The following PLXNA4 variants were observed in gnomAD, a reference collection of about 807,000 sequenced individuals.
The protein encoded by PLXNA4 is plexin A4, also known as plexin-A4.
Under a neutral mutation model 191.8 loss-of-function variants are expected in PLXNA4, and 44 were observed. The observed-to-expected ratio is 0.23, with a 90% CI of 0.18 to 0.29. The LOEUF (loss-of-function observed/expected upper bound fraction) is 0.29, where lower values mean the gene tolerates loss of function less well. PLXNA4 is among the 10% of genes least tolerant of loss of function. PLXNA4 has a pLI of 1.00. For synonymous variants in PLXNA4, 1,082 were observed against 1,009.5 expected, an observed-to-expected ratio of 1.07 and a Z score of -1.36; for missense variants, 1,800 against 2,488.8, an observed-to-expected ratio of 0.72 and a Z score of 5.89.
chr7:132,190,944 C>G (rs1797067630), intron 14 of PLXNA4, among the ~76,000 whole-genome samples: 1 of 152,200 alleles, frequency 6.6e-6, no homozygotes, highest in Admixed American at 6.5e-5. Context: ...GGTGCAGGGC[C>G]TGTGGATATC....
chr7:132,128,777 A>C lies in PLXNA4; in HGVS notation c.*1702T>G, dbSNP rs1794848722. 1 of 152,192 alleles carries C rather than the reference A, an allele frequency of 6.6e-6. No individual in the cohort carries two copies. The highest frequency in any genetic ancestry group is 1.5e-5 in the Non-Finnish European group (1 of 68,024). 9.4% of individuals were successfully genotyped at this position (152,192 alleles called of 1,614,324 possible). On this transcript the variant is annotated 3_prime_UTR_variant, in exon 32 of 32. Coordinates refer to ENST00000321063, the MANE Select transcript of PLXNA4 (RefSeq NM_020911.2). ...AGTGGGTGACAAGGAATGATGTCTG[A>C]TGTTTGGGGAGTGAAGGCAAGACTG... is the stretch of plus-strand genomic sequence containing the variant.
At chr7:132,222,292 C>T (rs751645648) in intron 9 of PLXNA4, among the ~76,000 whole-genome samples, 38 of 152,218 alleles carry the variant, frequency 2.5e-4, no homozygotes, top group Admixed American at 1.4e-3. Context: ...GCTATGGGAG[C>T]CCCCATGCAG....
At chr7:132,597,857 C>CTATATA (rs372984088) in intron 2 of PLXNA4, among the ~76,000 whole-genome samples, 8,721 of 57,882 alleles carry the variant, frequency 0.15, 286 homozygotes, top group Non-Finnish European at 0.26. Flanking sequence ...CTCTCTCTCT[C>CTATATA]TCTATATATA....
intron 3 of PLXNA4, among the ~76,000 whole-genome samples, chr7:132,303,841 G>T (rs1156353702): frequency 6.6e-6 from 1 of 152,110 alleles, no homozygotes; most frequent in South Asian, 2.1e-4. Flanking sequence ...AATGCCAGGT[G>T]GCAAATGCTA....
At chr7:132,536,445 G>C (rs1057238068) in intron 1 of PLXNA4, among the ~76,000 whole-genome samples, 1 of 152,168 alleles carries the variant, frequency 6.6e-6, no homozygotes, top group African/African-American at 2.4e-5. Flanking sequence ...GACACATAGA[G>C]GTCTCAACAA....
chr7:132,390,353 T>C (rs1285091567), intron 3 of PLXNA4, among the ~76,000 whole-genome samples: 1 of 151,562 alleles, frequency 6.6e-6, no homozygotes, highest in Non-Finnish European at 1.5e-5. Flanking sequence ...CACTCCTAAG[T>C]GGGAGTTGAA....
intron 2 of PLXNA4, among the ~76,000 whole-genome samples, chr7:132,593,491 A>G (rs1802643187): frequency 6.6e-6 from 1 of 152,200 alleles, no homozygotes; most frequent in African/African-American, 2.4e-5. Context: ...GGAACTTACT[A>G]AAAGGACATC....
At chr7:132,646,413 C>T (rs925395922) in intron 1 of PLXNA4, among the ~76,000 whole-genome samples, 1 of 152,148 alleles carries the variant, frequency 6.6e-6, no homozygotes, top group South Asian at 2.1e-4. Flanking sequence ...TATGTTGAAT[C>T]CCTAATCTCC....
In PLXNA4 at chr7:132,616,844, C is replaced by T. The variant is rs530593270; in HGVS notation, c.-87+29084G>A. ...TGGTAGACTGTGCGGTTCTCTGACC[C>T]TTCCAGTTGCCCTTCCTTTCCAGAC... On this transcript the variant is annotated intron_variant, in intron 2 of 4. Transcript: ENST00000378539. Among the ~76,000 whole-genome samples, 3 of 152,274 alleles carry T rather than the reference C, an allele frequency of 2.0e-5. No homozygotes were observed. The East Asian group carries it at 5.8e-4, about 29-fold the overall frequency.
At chr7:132,490,431 T>TTC (rs1165922044) in intron 2 of PLXNA4, among the ~76,000 whole-genome samples, 1 of 146,380 alleles carries the variant, frequency 6.8e-6, no homozygotes, top group South Asian at 2.3e-4. Context: ...TCCTTTTTTT[T>TTC]TTTTTTTTTT....
rs543400294 is a variant in PLXNA4, at chr7:132,506,599, A to T, written c.1188+907T>A. 4.7e-4 allele frequency among the ~76,000 whole-genome samples: 72 copies of T among 152,358 alleles called. 1 individual carries two copies. In the South Asian group the frequency reaches 0.014, roughly 30 times the overall value. ...ATAGTGAAAAAGCAGGACCATTGTG[A>T]AGAGGAACAGAGTCAAGCCACAAGA... On this transcript the variant is annotated intron_variant, in intron 2 of 31. Transcript: ENST00000321063.
At chr7:132,640,896 CA>C (rs1451779975) in intron 2 of PLXNA4, among the ~76,000 whole-genome samples, 1 of 152,004 alleles carries the variant, frequency 6.6e-6, no homozygotes, top group African/African-American at 2.4e-5. Flanking sequence ...CTTATACAGG[CA>C]AAAAGGGGAA....
chr7:132,124,833 G>GAA lies in PLXNA4; in HGVS notation c.*5644_*5645dup, dbSNP rs1484472404. ...CTCACTACCTCTGCCAATACAAACA[G>GAA]AAAGTTCTTTTTGTATATGAAGGAT... On this transcript the variant is annotated 3_prime_UTR_variant, in exon 32 of 32. Coordinates refer to ENST00000321063, the MANE Select transcript of PLXNA4 (RefSeq NM_020911.2). The GAA allele has an allele frequency of 6.6e-6, 1 of 152,138 alleles. No individual in the cohort carries two copies. Among genetic ancestry groups the GAA allele is most frequent in the Non-Finnish European group, 1.5e-5 (1 of 68,026 alleles). 9.4% of individuals were successfully genotyped at this position (152,138 alleles called of 1,614,324 possible). A position where few individuals can be genotyped will look rare whatever the true frequency, so the allele number is the denominator to read the frequency against.
At chr7:132,167,209 C>T (rs1315582553) in intron 22 of PLXNA4, among the ~76,000 whole-genome samples, 1 of 152,160 alleles carries the variant, frequency 6.6e-6, no homozygotes, top group Non-Finnish European at 1.5e-5. Context: ...CAAACAGAAG[C>T]ACTGGTAGAG....
chr7:132,292,201 G>C (rs569528818), intron 4 of PLXNA4, among the ~76,000 whole-genome samples: 1 of 152,156 alleles, frequency 6.6e-6, no homozygotes, highest in Non-Finnish European at 1.5e-5. Context: ...AAAATATGAC[G>C]CAAAATATTT....
Position 132,151,190 on chromosome 7 carries a change from G to A in PLXNA4, c.4661-2544C>T, listed in dbSNP as rs1584766728. ...AGAAAGGTGAAAGAATAAGAAGAAA[G>A]GAGAAAGAAGAAGAGAAGGAAGAAG... is the stretch of plus-strand genomic sequence containing the variant. On this transcript the variant is annotated intron_variant, in intron 25 of 31. Transcript: ENST00000321063. Among the ~76,000 whole-genome samples the A allele has an allele frequency of 2.0e-5, 3 of 150,946 alleles. No homozygotes were observed. The East Asian group carries it at 5.8e-4, about 29-fold the overall frequency.
chr7:132,594,563 G>T (rs1802663375), intron 2 of PLXNA4, among the ~76,000 whole-genome samples: 1 of 152,208 alleles, frequency 6.6e-6, no homozygotes, highest in Admixed American at 6.5e-5. Context: ...ACTTCCACTT[G>T]AACTTCCATT....
intron 30 of PLXNA4, among the ~76,000 whole-genome samples, chr7:132,134,580 G>A (rs1004700046): frequency 2.0e-5 from 3 of 152,156 alleles, no homozygotes; most frequent in Non-Finnish European, 4.4e-5. Context: ...TGTGCTCCCT[G>A]GCAAGGGAAG....
chr7:132,542,958 T>C (rs1800146461), intron 1 of PLXNA4, among the ~76,000 whole-genome samples: 1 of 152,206 alleles, frequency 6.6e-6, no homozygotes, highest in Non-Finnish European at 1.5e-5. Flanking sequence ...GGTCTGATAA[T>C]TGCACTGGAA....
Sources: gnomAD v4.1 joint callset for allele counts (sites outside exome capture counted in the v4.1 genomes callset) on GRCh38, gnomAD v4.1.1 for gene constraint, MANE v1.5 for transcripts, NCBI Gene and HGNC (gene_info 2026-07-23, HGNC 2026-07-21) for gene names.